ANGPT1: variants seen among roughly 807,000 people sequenced by gnomAD.
ANGPT1 encodes the protein angiopoietin 1.
A neutral mutation model predicts 62.2 loss-of-function variants in ANGPT1; 17 were observed. The observed-to-expected ratio is 0.27, with a 90% CI of 0.19 to 0.41. The LOEUF (loss-of-function observed/expected upper bound fraction) is 0.41. ANGPT1 is among the 10% of genes least tolerant of loss of function. ANGPT1 has a pLI of 1.00. For synonymous variants in ANGPT1, 199 were observed against 198.9 expected (o/e 1.00, Z 0.00); for missense variants, 478 against 594.9 (o/e 0.80, Z 2.04).
chr8:107,422,956 AAAG>A, intron 1 of ANGPT1, among the ~76,000 whole-genome samples: 1 of 152,236 alleles, frequency 6.6e-6, no homozygotes, highest in Non-Finnish European at 1.5e-5. Context: ...GGTTGTATAT[AAAG>A]AAGAATTGAG....
chr8:107,339,335 G>A (rs747106070), intron 2 of ANGPT1, among the ~76,000 whole-genome samples: 3 of 152,168 alleles, frequency 2.0e-5, no homozygotes, highest in Non-Finnish European at 4.4e-5. Context: ...AAAGACCCAC[G>A]TGATCAGAAC....
At chr8:107,297,551 T>C (rs1460669859) in intron 5 of ANGPT1, among the ~76,000 whole-genome samples, 3 of 146,726 alleles carry the variant, frequency 2.0e-5, no homozygotes, top group African/African-American at 4.9e-5. Context: ...ATGTATATAA[T>C]ATTTAAATTT....
chr8:107,455,152 G>C (rs996054208), intron 1 of ANGPT1, among the ~76,000 whole-genome samples: 2 of 152,014 alleles, frequency 1.3e-5, no homozygotes, highest in African/African-American at 2.4e-5. Context: ...AAGAGTGTAA[G>C]GACAAGACCT....
chr8:107,315,720 A>C (rs1047576996), intron 4 of ANGPT1, among the ~76,000 whole-genome samples: 1 of 152,020 alleles, frequency 6.6e-6, no homozygotes, highest in African/African-American at 2.4e-5. Flanking sequence ...CATACAATGC[A>C]CTCATAACTT....
At chr8:107,324,359 T>C (rs1815235122) in intron 3 of ANGPT1, among the ~76,000 whole-genome samples, 1 of 151,896 alleles carries the variant, frequency 6.6e-6, no homozygotes, top group South Asian at 2.1e-4. Flanking sequence ...CTATGATTGG[T>C]GTCCTTATAA....
In ANGPT1 at chr8:107,370,734, A is replaced by G. The variant is rs556162584; in HGVS notation, c.298-23637T>C. On this transcript the variant is annotated intron_variant, in intron 1 of 8. Coordinates refer to ENST00000517746, the MANE Select transcript of ANGPT1 (RefSeq NM_001146.5). ...AAAAAAAAAAAAAAGAGGAAGAAGA[A>G]AGGAAGGAAGAAAAGAAGGAAGGAA... Among the ~76,000 whole-genome samples the G allele has an allele frequency of 5.7e-4, 86 of 150,366 alleles. 1 individual carries two copies. The highest frequency in any genetic ancestry group is 1.2e-3 in the Non-Finnish European group (79 of 67,558).
chr8:107,484,152 A>G (rs1297302812), intron 1 of ANGPT1, among the ~76,000 whole-genome samples: 1 of 152,196 alleles, frequency 6.6e-6, no homozygotes, highest in Non-Finnish European at 1.5e-5. Context: ...GTAATTTGTG[A>G]AAGAAAAGTG....
At chr8:107,449,685 C>A (rs1434149199) in intron 1 of ANGPT1, among the ~76,000 whole-genome samples, 2 of 152,184 alleles carry the variant, frequency 1.3e-5, no homozygotes, top group Admixed American at 6.5e-5. Context: ...TCAACTGTTG[C>A]ATGACTTCCT....
Position 107,446,285 on chromosome 8 carries a change from A to G in ANGPT1, c.297+50977T>C, listed in dbSNP as rs547414461. Among the ~76,000 whole-genome samples the G allele has an allele frequency of 2.0e-5, 3 of 152,346 alleles. No homozygotes were observed. In the East Asian group the frequency reaches 5.8e-4, roughly 29 times the overall value. ...TTTCAGAAATATAAAAGTATTTGTC[A>G]GATTTTTATATATTTTTGTAGTAAG... On this transcript the variant is annotated intron_variant, in intron 1 of 8. Transcript: ENST00000517746.
At chr8:107,388,766 G>A (rs1816781086) in intron 1 of ANGPT1, among the ~76,000 whole-genome samples, 1 of 152,140 alleles carries the variant, frequency 6.6e-6, no homozygotes, top group African/African-American at 2.4e-5. Flanking sequence ...TGGCTGAAGA[G>A]TATGGAGCAT....
At chr8:107,355,806 A>G (rs1354803230) in intron 1 of ANGPT1, among the ~76,000 whole-genome samples, 1 of 151,958 alleles carries the variant, frequency 6.6e-6, no homozygotes, top group Non-Finnish European at 1.5e-5. Context: ...TCTGTTTTTC[A>G]TAATAGCCTT....
chr8:107,328,206 CAT>C (rs1419534564), intron 3 of ANGPT1, among the ~76,000 whole-genome samples: 1 of 152,074 alleles, frequency 6.6e-6, no homozygotes, highest in African/African-American at 2.4e-5. Context: ...ATGGTGTCAA[CAT>C]GTGTTGCAAA....
At chr8:107,266,425 T>C (rs1401171068) in intron 7 of ANGPT1, among the ~76,000 whole-genome samples, 1 of 152,222 alleles carries the variant, frequency 6.6e-6, no homozygotes, top group Non-Finnish European at 1.5e-5. Context: ...CTCATGGTCT[T>C]CTTAGAGAGA....
intron 8 of ANGPT1, among the ~76,000 whole-genome samples, chr8:107,262,804 C>A (rs1361631069): frequency 6.6e-6 from 1 of 152,130 alleles, no homozygotes; most frequent in African/African-American, 2.4e-5. Context: ...TTGTCAACTC[C>A]TTTCCTGCCA....
intron 1 of ANGPT1, among the ~76,000 whole-genome samples, chr8:107,394,100 A>G (rs978815325): frequency 6.6e-6 from 1 of 152,154 alleles, no homozygotes; most frequent in Admixed American, 6.5e-5. Context: ...CATTCTTGGG[A>G]CTGTGAAAGA....
At chr8:107,370,378 AAG>A (rs1221766173) in intron 1 of ANGPT1, among the ~76,000 whole-genome samples, 2 of 40,376 alleles carry the variant, frequency 5.0e-5, no homozygotes, top group East Asian at 3.4e-3. Context: ...GAAAGAAAGA[AAG>A]AAAGAAAGAA....
intron 1 of ANGPT1, among the ~76,000 whole-genome samples, chr8:107,469,211 C>T (rs186801447): frequency 1.3e-5 from 2 of 152,108 alleles, no homozygotes; most frequent in East Asian, 3.9e-4. Flanking sequence ...ATGCAAAGTA[C>T]ATTTTTAGTA....
At chr8:107,262,884 C>G (rs1187351476) in intron 8 of ANGPT1, among the ~76,000 whole-genome samples, 1 of 152,310 alleles carries the variant, frequency 6.6e-6, no homozygotes, top group East Asian at 1.9e-4. Flanking sequence ...AAACTTCAGA[C>G]AGTCATGTAT....
rs1006723714 is a variant in ANGPT1, at chr8:107,411,530, T to A, written c.298-64433A>T. Among the ~76,000 whole-genome samples the A allele has an allele frequency of 2.6e-5, 4 of 152,086 alleles. No individual in the cohort carries two copies. In the East Asian group the frequency reaches 7.7e-4, roughly 29 times the overall value. Reference sequence around the variant, plus strand: ...CGAAGATAAAAGACTATGTAAAAAATTTGAATGCAGATATGCAGATAGAAA... The same window carrying A: ...CGAAGATAAAAGACTATGTAAAAAAATTGAATGCAGATATGCAGATAGAAA... On this transcript the variant is annotated intron_variant, in intron 1 of 8. Coordinates refer to ENST00000517746, the MANE Select transcript of ANGPT1 (RefSeq NM_001146.5).
Sources: allele counts gnomAD v4.1 joint callset (sites outside exome capture counted in the v4.1 genomes callset), GRCh38; gene constraint gnomAD v4.1.1; transcripts MANE v1.5; gene names NCBI Gene and HGNC (gene_info 2026-07-23, HGNC 2026-07-21).